ASIC2: variants seen among roughly 807,000 people sequenced by gnomAD.
The protein encoded by ASIC2 is acid sensing ion channel subunit 2, also known as acid-sensing ion channel 2.
A neutral mutation model predicts 57.3 loss-of-function variants in ASIC2; 25 were observed. That is an observed-to-expected ratio of 0.44 (90% CI 0.32 to 0.61). The LOEUF (loss-of-function observed/expected upper bound fraction) is 0.61. Ranked by LOEUF, ASIC2 falls within the 20% of genes least tolerant of loss-of-function variation. ASIC2 has a pLI of 0.06. For synonymous variants in ASIC2, 319 were observed against 307.5 expected, an observed-to-expected ratio of 1.04 and a Z score of -0.39; for missense variants, 641 against 738.1, an observed-to-expected ratio of 0.87 and a Z score of 1.52.
chr17:33,291,984 G>A lies in ASIC2; in HGVS notation c.132C>T (p.Gly44=), dbSNP rs1437340912. 1.6e-6 allele frequency: 2 copies of A among 1,282,078 alleles called. No individual in the cohort carries two copies. Among genetic ancestry groups the A allele is most frequent in the Middle Eastern group, 3.0e-4 (1 of 3,380 alleles). The allele number at this position is 1,282,078 out of a possible 1,614,324, so 79.4% of individuals were successfully genotyped here. The part of the protein sequence containing the change: ...AAGQPGGGRG[G]ERALQGPGVA... ...CCCCTGGCCCCTGCAGCGCCCGCTCGCCGCCTCTGCCGCCCCCGGGCTGCC... is the reference window on the plus strand; with the variant it reads ...CCCCTGGCCCCTGCAGCGCCCGCTCACCGCCTCTGCCGCCCCCGGGCTGCC... The change falls in exon 1 of 10, where the codon GGC becomes GGT. Residue 44 remains glycine, a synonymous_variant. Coordinates refer to ENST00000225823, the MANE Select transcript of ASIC2 (RefSeq NM_183377.2).
chr17:33,074,924 CA>C (rs1410665352), intron 3 of ASIC2, among the ~76,000 whole-genome samples: 1 of 152,074 alleles, frequency 6.6e-6, no homozygotes, highest in African/African-American at 2.4e-5. Context: ...TGATGGCATG[CA>C]AAGATGGATG....
intron 1 of ASIC2, among the ~76,000 whole-genome samples, chr17:33,289,194 GTAATACTTT>G (rs1310824662): frequency 6.6e-6 from 1 of 152,214 alleles, no homozygotes; most frequent in East Asian, 1.9e-4. Context: ...GGGAATGGAG[GTAATACTTT>G]TGCTTGGATG....
chr17:33,325,502 T>C (rs1907039122), intron 1 of ASIC2, among the ~76,000 whole-genome samples: 3 of 152,016 alleles, frequency 2.0e-5, no homozygotes, highest in African/African-American at 7.2e-5. Context: ...TGAAGGGTGG[T>C]GCATGGGGAA....
intron 1 of ASIC2, among the ~76,000 whole-genome samples, chr17:33,787,436 C>T (rs1351661961): frequency 6.6e-6 from 1 of 152,102 alleles, no homozygotes; most frequent in Admixed American, 6.5e-5. Context: ...GGAGAATATT[C>T]AGATGTAATA....
At chr17:33,579,497 G>A (rs532249890) in intron 1 of ASIC2, among the ~76,000 whole-genome samples, 1 of 152,172 alleles carries the variant, frequency 6.6e-6, no homozygotes, top group African/African-American at 2.4e-5. Flanking sequence ...GTGCCTTACT[G>A]TGCCCAGAAT....
intron 1 of ASIC2, among the ~76,000 whole-genome samples, chr17:33,413,394 C>T (rs765262732): frequency 1.5e-4 from 23 of 152,138 alleles, no homozygotes; most frequent in Non-Finnish European, 2.9e-4. Flanking sequence ...CTTAAATGTC[C>T]CCAACTTGGT....
intron 1 of ASIC2, among the ~76,000 whole-genome samples, chr17:33,586,744 A>G (rs773571776): frequency 7.9e-5 from 12 of 152,122 alleles, no homozygotes; most frequent in Admixed American, 1.3e-4. Flanking sequence ...CTCCCAATCC[A>G]TCTAAACTGG....
intron 1 of ASIC2, among the ~76,000 whole-genome samples, chr17:33,752,149 G>A (rs1181089539): frequency 6.6e-6 from 1 of 152,018 alleles, no homozygotes; most frequent in Non-Finnish European, 1.5e-5. Flanking sequence ...CACAGAGTAG[G>A]GTCATTTTTC....
At chr17:34,083,631 C>A (rs967799150) in intron 1 of ASIC2, among the ~76,000 whole-genome samples, 12 of 152,148 alleles carry the variant, frequency 7.9e-5, no homozygotes, top group African/African-American at 2.7e-4. Flanking sequence ...AGTTTACAGT[C>A]CCACCAACAG....
intron 1 of ASIC2, among the ~76,000 whole-genome samples, chr17:33,409,518 G>A (rs998285894): frequency 4.6e-5 from 7 of 152,314 alleles, no homozygotes; most frequent in South Asian, 4.1e-4. Context: ...ATAGAGATGC[G>A]TGAAGTTGGC....
intron 1 of ASIC2, among the ~76,000 whole-genome samples, chr17:33,598,515 G>C (rs1441888022): frequency 6.6e-6 from 1 of 152,144 alleles, no homozygotes; most frequent in Admixed American, 6.5e-5. Flanking sequence ...TTCAGGATGT[G>C]TTTCCTGGGT....
At chr17:33,559,406 G>T (rs973548026) in intron 1 of ASIC2, among the ~76,000 whole-genome samples, 2 of 152,102 alleles carry the variant, frequency 1.3e-5, no homozygotes, top group South Asian at 4.1e-4. Context: ...CTCTATATGG[G>T]CTCTGCCCCT....
chr17:33,190,597 A>G (rs1906375815), intron 1 of ASIC2, among the ~76,000 whole-genome samples: 2 of 152,326 alleles, frequency 1.3e-5, no homozygotes, highest in Admixed American at 6.5e-5. Context: ...AAAAAGAACA[A>G]TGTTGACGGA....
At chr17:33,956,416 C>T (rs1904736702) in intron 1 of ASIC2, among the ~76,000 whole-genome samples, 1 of 152,082 alleles carries the variant, frequency 6.6e-6, no homozygotes. Context: ...CCCTGGCTGC[C>T]CCTTCAGTCA....
intron 1 of ASIC2, among the ~76,000 whole-genome samples, chr17:33,486,222 G>A (rs967680874): frequency 3.3e-5 from 5 of 152,206 alleles, no homozygotes; most frequent in Admixed American, 6.5e-5. Flanking sequence ...CCTACGGGTA[G>A]TGTTTTCATG....
chr17:33,513,409 C>T (rs1914482770), intron 1 of ASIC2, among the ~76,000 whole-genome samples: 1 of 152,204 alleles, frequency 6.6e-6, no homozygotes, highest in Non-Finnish European at 1.5e-5. Context: ...GAGTATTCTC[C>T]TTTTCATTAC....
chr17:33,056,633 G>T (rs1360462426), intron 3 of ASIC2, among the ~76,000 whole-genome samples: 1 of 152,158 alleles, frequency 6.6e-6, no homozygotes, highest in Non-Finnish European at 1.5e-5. Context: ...AAAGTTTACT[G>T]GCCAGCGAAT....
intron 1 of ASIC2, among the ~76,000 whole-genome samples, chr17:33,442,623 C>T (rs1310522224): frequency 6.6e-6 from 1 of 151,830 alleles, no homozygotes; most frequent in Non-Finnish European, 1.5e-5. Context: ...TATCATGCGC[C>T]TTTGCTAAAT....
chr17:34,156,766 G>C lies in ASIC2; in HGVS notation c.-234C>G. 1.9e-6 allele frequency: 1 copy of C among 530,316 alleles called. No homozygotes were observed. Among genetic ancestry groups the C allele is most frequent in the African/African-American group, 1.9e-5 (1 of 52,856 alleles). The allele number at this position is 530,316 out of a possible 1,614,324, so 32.9% of individuals were successfully genotyped here. A position where few individuals can be genotyped will look rare whatever the true frequency, so the allele number is the denominator to read the frequency against. On this transcript the variant is annotated 5_prime_UTR_variant, in exon 1 of 10. Coordinates refer to the ASIC2 transcript ENST00000359872. This position sits in a 1 kb window ranked among gnomAD's most constrained non-coding sequence, Gnocchi z 4.4. ...TGATTTTTTCCAGGCGATAAGGAGG[G>C]CTGGTTTTATTTAGGGAGACACCAA...
Sources: allele counts gnomAD v4.1 joint callset (sites outside exome capture counted in the v4.1 genomes callset), GRCh38; gene constraint gnomAD v4.1.1; non-coding constraint Gnocchi (gnomAD v3.1); transcripts MANE v1.5; gene names NCBI Gene and HGNC (gene_info 2026-07-23, HGNC 2026-07-21).